The following NLRC3 variants were observed in gnomAD, a reference collection of about 807,000 sequenced individuals.
The protein encoded by NLRC3 is NLR family CARD domain containing 3, also known as NLR family CARD domain-containing protein 3.
A neutral mutation model predicts 91.6 loss-of-function variants in NLRC3; 87 were observed. The ratio of observed to expected loss-of-function variants is 0.95; its 90% CI spans 0.80 to 1.14. The LOEUF (loss-of-function observed/expected upper bound fraction) is 1.14. Among genes scored for constraint, NLRC3 ranks in the 50% most tolerant of loss-of-function variants. The probability of loss-of-function intolerance (pLI) is 0.00; values close to 1 mark genes in which losing one functional copy is unlikely to be tolerated. For synonymous variants in NLRC3, 694 were observed against 625.3 expected (o/e 1.11, Z -1.64); for missense variants, 1,577 against 1,418.6 (o/e 1.11, Z -1.79).
chr16:3,542,263 T>C lies in NLRC3; in HGVS notation c.3035A>G (p.Asn1012Ser), dbSNP rs752936609. The C allele has an allele frequency of 1.3e-5, 21 of 1,588,736 alleles. No homozygotes were observed. The Middle Eastern group carries it at 1.2e-3, about 87-fold the overall frequency. The change falls in exon 19 of 20, where the codon AAT (asparagine) becomes AGT (serine). Residue 1012 changes from asparagine (N) to serine (S), a missense_variant. Physicochemically the swap from Asn to Ser is conservative, Grantham distance 46. Coordinates refer to ENST00000359128, the MANE Select transcript of NLRC3 (RefSeq NM_178844.4). ...TATCGCCCCGTCCATCCCCAGAGAA[T>C]TCTCTTGAAGACTAAGTGGAAAAGA... The part of the protein sequence containing the change: ...SSLRRLNLQE[N>S]SLGMDGAICI...
intron 12 of NLRC3, 42 bp downstream of exon 12, chr16:3,549,655 G>A (rs12448257): frequency 0.21 from 305,816 of 1,431,470 alleles, 33,311 homozygotes; most frequent in East Asian, 0.3. Flanking sequence ...CAGGTGCCTC[G>A]TCAAAGAAAC....
At chr16:3,573,870 G>C (rs2040187446) in intron 1 of NLRC3, among the ~76,000 whole-genome samples, 1 of 152,090 alleles carries the variant, frequency 6.6e-6, no homozygotes, top group African/African-American at 2.4e-5. Context: ...CCAGGCTGGA[G>C]TGCAGTGGTA....
chr16:3,552,933 C>A (rs1023820959), intron 9 of NLRC3, among the ~76,000 whole-genome samples: 1 of 152,032 alleles, frequency 6.6e-6, no homozygotes. Context: ...AGCGAGACTC[C>A]GTCTCAAATA....
chr16:3,575,945 A>T (rs1337067864), intron 1 of NLRC3, among the ~76,000 whole-genome samples: 1 of 152,064 alleles, frequency 6.6e-6, no homozygotes, highest in Non-Finnish European at 1.5e-5. Flanking sequence ...GGTTCTCTCG[A>T]GGTGGCCCCA....
In NLRC3 at chr16:3,541,655, G is replaced by A. The variant is rs2038398782; in HGVS notation, c.*170C>T. 1.7e-6 allele frequency: 1 copy of A among 606,036 alleles called. No individual in the cohort carries two copies. The highest frequency in any genetic ancestry group is 2.9e-6 in the Non-Finnish European group (1 of 339,634). 37.5% of individuals were successfully genotyped at this position (606,036 alleles called of 1,614,324 possible). A position where few individuals can be genotyped will look rare whatever the true frequency, so the allele number is the denominator to read the frequency against. ...CCTGGACCACTCCTGCAGCAGAAGA[G>A]GAGCTCACGACCTCCTCCGGCAGCA... is the stretch of plus-strand genomic sequence containing the variant. On this transcript the variant is annotated 3_prime_UTR_variant, in exon 20 of 20. Coordinates refer to ENST00000359128, the MANE Select transcript of NLRC3 (RefSeq NM_178844.4).
Position 3,551,315 on chromosome 16 carries a change from C to T in NLRC3, c.2352-818G>A, listed in dbSNP as rs2038986194. Among the ~76,000 whole-genome samples the T allele has an allele frequency of 3.5e-5, 5 of 143,566 alleles. No homozygotes were observed. In the South Asian group the frequency reaches 9.5e-4, roughly 27 times the overall value. 94.2% of individuals were successfully genotyped at this position (143,566 alleles called of 152,430 possible). A position where few individuals can be genotyped will look rare whatever the true frequency, so the allele number is the denominator to read the frequency against. ...ACTCACCCATCCATCCATCCATCCA[C>T]TCATCCATTTATCCATCCACTCATC... On this transcript the variant is annotated intron_variant, in intron 10 of 19. Transcript: ENST00000359128.
intron 9 of NLRC3, 99 bp from the exon 10 acceptor site, chr16:3,552,378 C>T: frequency 1.2e-6 from 1 of 806,272 alleles, no homozygotes; most frequent in South Asian, 1.4e-5. Flanking sequence ...CTAGTGTGCC[C>T]TCTACATTTA....
chr16:3,558,009 T>A (rs1175113901), intron 6 of NLRC3, among the ~76,000 whole-genome samples: 2 of 152,134 alleles, frequency 1.3e-5, no homozygotes, highest in Admixed American at 6.5e-5. Context: ...TGGCAGCCAG[T>A]GGTGTACTGG....
chr16:3,542,775 G>A lies in NLRC3; in HGVS notation c.2940C>T (p.Asp980=), dbSNP rs1052538619. ...CCACCCCAATGGCATTTCCTCTTAA[G>A]CTGTTGGGAAAGACAGGAAGCCTAA... The part of the protein sequence containing the change: ...LAVNRTLEIL[D]LRGNAIGVAG... The change falls in exon 18 of 20, where the codon GAC becomes GAT. Residue 980 remains aspartate, a splice_region_variant and synonymous_variant. Transcript: ENST00000359128. 6.2e-7 allele frequency: 1 copy of A among 1,602,034 alleles called. No homozygotes were observed. Among genetic ancestry groups the A allele is most frequent in the African/African-American group, 1.3e-5 (1 of 74,856 alleles).
intron 1 of NLRC3, among the ~76,000 whole-genome samples, chr16:3,570,520 T>C (rs1030402777): frequency 2.0e-5 from 3 of 152,092 alleles, no homozygotes; most frequent in Non-Finnish European, 2.9e-5. Flanking sequence ...CAGTTTCTGC[T>C]GGTGGTTAGT....
At position 3,577,136 on chromosome 16, in the gene NLRC3, G is replaced by C. The variant is rs1385239132; in HGVS notation, c.-169+13C>G. The C allele has an allele frequency of 1.4e-6, 1 of 703,054 alleles. No individual in the cohort carries two copies. Among genetic ancestry groups the C allele is most frequent in the Admixed American group, 2.0e-5 (1 of 50,000 alleles). 43.6% of individuals were successfully genotyped at this position (703,054 alleles called of 1,614,324 possible). A position where few individuals can be genotyped will look rare whatever the true frequency, so the allele number is the denominator to read the frequency against. Reference sequence around the variant, plus strand: ...CCCCTGCCCTGCACTGAGGTCACCTGGACCCAACTTACCTCCCGGGCCTCG... The same window carrying C: ...CCCCTGCCCTGCACTGAGGTCACCTCGACCCAACTTACCTCCCGGGCCTCG... On this transcript the variant is annotated intron_variant, in intron 1 of 19. Coordinates refer to ENST00000359128, the MANE Select transcript of NLRC3 (RefSeq NM_178844.4).
At chr16:3,542,097 G>T (rs749770046) in intron 19 of NLRC3, 94 bp downstream of exon 19, 1 of 947,402 alleles carries the variant, frequency 1.1e-6, no homozygotes, top group East Asian at 2.6e-5. Context: ...CTGCTGAAGC[G>T]TCTGGGGGTC....
intron 9 of NLRC3, among the ~76,000 whole-genome samples, chr16:3,553,768 G>C (rs1427444799): frequency 6.7e-6 from 1 of 149,630 alleles, no homozygotes; most frequent in Admixed American, 6.6e-5. Flanking sequence ...TTTTTTGACA[G>C]AGTCTCGCTG....
chr16:3,570,315 T>C (rs1363869358), intron 1 of NLRC3, among the ~76,000 whole-genome samples: 1 of 152,204 alleles, frequency 6.6e-6, no homozygotes, highest in Non-Finnish European at 1.5e-5. Flanking sequence ...AGCAAATTAC[T>C]TTTTAGCATA....
rs752268313 is a variant in NLRC3 at position 3,563,360 on chromosome 16, T to A, written c.1577A>T (p.Asn526Ile). 6.3e-7 allele frequency: 1 copy of A among 1,589,218 alleles called. No individual in the cohort carries two copies. Among genetic ancestry groups the A allele is most frequent in the Non-Finnish European group, 8.6e-7 (1 of 1,168,772 alleles). The change falls in exon 5 of 20, where the codon AAT becomes ATT. Residue 526 changes from asparagine to isoleucine, a missense_variant. Asn to Ile is a moderately radical substitution (Grantham distance 149). Transcript: ENST00000359128. ...CAGCAGGGAGCCGGCCAGGAGGGCA[T>A]TGACCCTCGGAGACAAGAGGCCGGA... ...FLSGLLSPRVNALLAGSLLAQ... is the reference protein window; with the variant it reads ...FLSGLLSPRVIALLAGSLLAQ...
Position 3,540,769 on chromosome 16 carries a change from C to T in NLRC3, c.*1056G>A, listed in dbSNP as rs1030290469. On this transcript the variant is annotated 3_prime_UTR_variant, in exon 20 of 20. Transcript: ENST00000359128. ...AGTGAGCTGAGATCATGCCACTGCA[C>T]TCCAGCCTGGGTGACAGATTCTGTC... The T allele has an allele frequency of 6.6e-6, 1 of 152,362 alleles. No individual in the cohort carries two copies. The highest frequency in any genetic ancestry group is 1.9e-4 in the East Asian group (1 of 5,184). 9.4% of individuals were successfully genotyped at this position (152,362 alleles called of 1,614,324 possible). A position where few individuals can be genotyped will look rare whatever the true frequency, so the allele number is the denominator to read the frequency against.
At chr16:3,542,447 A>G (rs564577986) in intron 18 of NLRC3, among the ~76,000 whole-genome samples, 173 bp from the exon 19 acceptor site, 3 of 152,324 alleles carry the variant, frequency 2.0e-5, no homozygotes, top group African/African-American at 7.2e-5. Context: ...GAGTGGCCAG[A>G]TTGTCCCACG....
intron 2 of NLRC3, among the ~76,000 whole-genome samples, chr16:3,565,601 T>G: frequency 6.8e-6 from 1 of 147,084 alleles, no homozygotes; most frequent in Non-Finnish European, 1.5e-5. Flanking sequence ...AAAGGGTCAG[T>G]GGGGGCCAAG....
intron 16 of NLRC3, 22 bp from the exon 17 acceptor site, chr16:3,543,530 C>A: frequency 6.3e-7 from 1 of 1,585,822 alleles, no homozygotes; most frequent in South Asian, 1.1e-5. Context: ...AGGGTGCCGT[C>A]AGTGTGAGCC....
Sources: gnomAD v4.1 joint callset for allele counts (sites outside exome capture counted in the v4.1 genomes callset) on GRCh38, gnomAD v4.1.1 for gene constraint, MANE v1.5 for transcripts, NCBI Gene and HGNC (gene_info 2026-07-23, HGNC 2026-07-21) for gene names.